The following PHYHIPL variants were observed in gnomAD, a reference collection of about 807,000 sequenced individuals.
The protein encoded by PHYHIPL is phytanoyl-CoA 2-hydroxylase interacting protein like.
A neutral mutation model predicts 33.4 loss-of-function variants in PHYHIPL; 9 were observed. The ratio of observed to expected loss-of-function variants is 0.27; its 90% CI spans 0.16 to 0.47. PHYHIPL has a LOEUF of 0.47. PHYHIPL is among the 20% of genes least tolerant of loss of function. The pLI is 0.99. For synonymous variants in PHYHIPL, 153 were observed against 154.1 expected, an observed-to-expected ratio of 0.99 and a Z score of 0.05; for missense variants, 365 against 460.7, an observed-to-expected ratio of 0.79 and a Z score of 1.90.
At chr10:59,244,633 C>G (rs1840580016) in intron 4 of PHYHIPL, among the ~76,000 whole-genome samples, 1 of 145,528 alleles carries the variant, frequency 6.9e-6, no homozygotes, top group Non-Finnish European at 1.5e-5. Context: ...ATGGACAGCA[C>G]TCATTTTATG....
rs539926955 is a variant in PHYHIPL at position 59,227,943 on chromosome 10, GA to G, written c.107-6360del. ...CAAGATTCACTTTTTGCTCTTCTAA[GA>G]TAAAATAAGATTTTAATTTTTGCCT... On this transcript the variant is annotated intron_variant, in intron 1 of 4. Coordinates refer to ENST00000373880, the MANE Select transcript of PHYHIPL (RefSeq NM_032439.4). Among the ~76,000 whole-genome samples the G allele has an allele frequency of 2.2e-3, 305 of 136,172 alleles. 3 individuals are homozygous for G. The highest frequency in any genetic ancestry group is 8.7e-3 in the African/African-American group (295 of 34,026). 89.3% of individuals were successfully genotyped at this position (136,172 alleles called of 152,430 possible). A position where few individuals can be genotyped will look rare whatever the true frequency, so the allele number is the denominator to read the frequency against.
rs1225414665 is a variant in PHYHIPL at position 59,246,612 on chromosome 10, T to C, written c.*1021T>C. ...TAACACAAAATGATATACACTGAAG[T>C]TGATGAAGCAAATAAATATTCTGGC... On this transcript the variant is annotated 3_prime_UTR_variant, in exon 5 of 5. Transcript: ENST00000373880. 5 of 397,656 alleles carry C rather than the reference T, an allele frequency of 1.3e-5. No homozygotes were observed. Among genetic ancestry groups the C allele is most frequent in the Non-Finnish European group, 2.2e-5 (5 of 225,242 alleles). 24.6% of individuals were successfully genotyped at this position (397,656 alleles called of 1,614,324 possible).
At chr10:59,186,558 G>C (rs1412118185) in intron 1 of PHYHIPL, among the ~76,000 whole-genome samples, 3 of 152,152 alleles carry the variant, frequency 2.0e-5, no homozygotes, top group Admixed American at 2.0e-4. Flanking sequence ...ACCTTGGGCA[G>C]TATGGCCATT....
intron 1 of PHYHIPL, among the ~76,000 whole-genome samples, chr10:59,218,478 A>G (rs922439048): frequency 2.0e-5 from 3 of 152,204 alleles, no homozygotes; most frequent in African/African-American, 7.2e-5. Flanking sequence ...AGTCTGTACA[A>G]TGTAGAATGA....
chr10:59,192,257 G>A (rs61861192), intron 1 of PHYHIPL, among the ~76,000 whole-genome samples: 3,162 of 152,208 alleles, frequency 0.021, 63 homozygotes, highest in Non-Finnish European at 0.03. Context: ...GAAGTTAAAT[G>A]ATAATGTTTG....
chr10:59,214,522 T>C (rs1322144978), intron 1 of PHYHIPL, among the ~76,000 whole-genome samples: 2 of 152,002 alleles, frequency 1.3e-5, no homozygotes, highest in South Asian at 2.1e-4. Context: ...ATGTTGATGG[T>C]GTTATTTTGA....
chr10:59,202,216 A>T (rs963652483), intron 1 of PHYHIPL, among the ~76,000 whole-genome samples: 7 of 152,114 alleles, frequency 4.6e-5, no homozygotes, highest in Admixed American at 3.9e-4. Flanking sequence ...GTGGGGGTTG[A>T]AAAATTACCC....
intron 1 of PHYHIPL, among the ~76,000 whole-genome samples, chr10:59,189,241 T>C (rs961430949): frequency 6.6e-6 from 1 of 151,998 alleles, no homozygotes; most frequent in Non-Finnish European, 1.5e-5. Flanking sequence ...GTCTGAAACT[T>C]ATTAAGAACA....
chr10:59,177,071 C>T lies in PHYHIPL; in HGVS notation c.106+112C>T, dbSNP rs372546308. 1,819 of 886,164 alleles carry T rather than the reference C, an allele frequency of 2.1e-3. 8 individuals carry two copies. Among genetic ancestry groups the T allele is most frequent in the African/African-American group, 0.011 (639 of 59,442 alleles). 54.9% of individuals were successfully genotyped at this position (886,164 alleles called of 1,614,324 possible). On this transcript the variant is annotated intron_variant, in intron 1 of 4. Transcript: ENST00000373880. ...GGGCGGCAGGGTCTTTTGTTGTCCC[C>T]TCTGTGCAAATAAATGCAGATGTGG...
rs545427936 is a variant in PHYHIPL at position 59,206,707 on chromosome 10, A to G, written c.107-27597A>G. 5.1e-5 allele frequency: 46 copies of G among 896,174 alleles called. 1 individual carries two copies. In the South Asian group the frequency reaches 7.8e-4, roughly 15 times the overall value. The allele number at this position is 896,174 out of a possible 1,614,324, so 55.5% of individuals were successfully genotyped here. On this transcript the variant is annotated intron_variant, in intron 1 of 4. Transcript: ENST00000373880. ...TACATAAGGGAGACAGAAAATTGTA[A>G]AAGTACATAACTAAAAGCTGTTATG...
At chr10:59,220,310 G>C (rs1167884417) in intron 1 of PHYHIPL, among the ~76,000 whole-genome samples, 2 of 152,026 alleles carry the variant, frequency 1.3e-5, no homozygotes, top group East Asian at 3.9e-4. Context: ...GTTGGCAGTT[G>C]AGTTAAAGAG....
intron 1 of PHYHIPL, among the ~76,000 whole-genome samples, chr10:59,218,050 T>C (rs1839665455): frequency 6.6e-6 from 1 of 152,128 alleles, no homozygotes; most frequent in Non-Finnish European, 1.5e-5. Context: ...CCAGTGGCAT[T>C]GCTCGGAGTC....
intron 1 of PHYHIPL, among the ~76,000 whole-genome samples, chr10:59,231,489 C>T (rs568507999): frequency 7.2e-4 from 109 of 151,994 alleles, no homozygotes; most frequent in Non-Finnish European, 1.3e-3. Flanking sequence ...CAAAGAAAGA[C>T]ACTTTTAGAT....
At position 59,246,977 on chromosome 10, in the gene PHYHIPL, T is replaced by A. The variant is rs1840761693; in HGVS notation, c.*1386T>A. On this transcript the variant is annotated 3_prime_UTR_variant, in exon 5 of 5. Transcript: ENST00000373880. Reference sequence around the variant, plus strand: ...CAAAGTACATGCTATCAGAATGAACTTTGGTAACCAGAAATGTAAAATTTC... The same window carrying A: ...CAAAGTACATGCTATCAGAATGAACATTGGTAACCAGAAATGTAAAATTTC... The A allele has an allele frequency of 4.7e-6, 1 of 212,330 alleles. No individual in the cohort carries two copies. Among genetic ancestry groups the A allele is most frequent in the Admixed American group, 5.8e-5 (1 of 17,294 alleles). The allele number at this position is 212,330 out of a possible 1,614,324, so 13.2% of individuals were successfully genotyped here.
chr10:59,244,562 C>CAAAAAAAAAAAAAAAAA (rs71006239), intron 4 of PHYHIPL, among the ~76,000 whole-genome samples: 4 of 39,552 alleles, frequency 1.0e-4, no homozygotes, highest in Non-Finnish European at 1.4e-4. Context: ...GACTCTGTCT[C>CAAAAAAAAAAAAAAAAA]AAAAAAAAAA....
intron 1 of PHYHIPL, among the ~76,000 whole-genome samples, chr10:59,203,855 A>G (rs1403079284): frequency 1.3e-5 from 2 of 152,188 alleles, no homozygotes; most frequent in African/African-American, 4.8e-5. Flanking sequence ...AACATGGCAC[A>G]TGCATACATA....
At chr10:59,220,586 C>G (rs1380805277) in intron 1 of PHYHIPL, among the ~76,000 whole-genome samples, 1 of 152,018 alleles carries the variant, frequency 6.6e-6, no homozygotes, top group Non-Finnish European at 1.5e-5. Context: ...TTAAGTTTTC[C>G]TACATTTGGA....
intron 1 of PHYHIPL, among the ~76,000 whole-genome samples, chr10:59,211,398 T>C (rs1165535312): frequency 1.3e-5 from 2 of 152,024 alleles, no homozygotes; most frequent in Non-Finnish European, 2.9e-5. Context: ...TTGTTTGAGA[T>C]GGAGTTTCAC....
chr10:59,179,104 T>C (rs1838330590), intron 1 of PHYHIPL, among the ~76,000 whole-genome samples: 2 of 152,182 alleles, frequency 1.3e-5, no homozygotes, highest in African/African-American at 4.8e-5. Context: ...ATCTTACATG[T>C]CAATTCCAAA....
Sources: gnomAD v4.1 joint callset for allele counts (sites outside exome capture counted in the v4.1 genomes callset) on GRCh38, gnomAD v4.1.1 for gene constraint, MANE v1.5 for transcripts, NCBI Gene and HGNC (gene_info 2026-07-23, HGNC 2026-07-21) for gene names.